Variants in TTN observed in about 807,000 individuals in gnomAD.
TTN encodes the protein connectin.
A neutral mutation model predicts 3,223.0 loss-of-function variants in TTN; 1,525 were observed. The ratio of observed to expected loss-of-function variants is 0.47; its 90% CI spans 0.45 to 0.49. TTN has a LOEUF of 0.49. TTN is among the 20% of genes least tolerant of loss of function. TTN has a pLI of 0.00. For synonymous variants in TTN, 14,094 were observed against 15,161.0 expected, an observed-to-expected ratio of 0.93 and a Z score of 5.17; for missense variants, 40,786 against 43,424.0, an observed-to-expected ratio of 0.94 and a Z score of 5.40.
chr2:178,615,394 C>G lies in TTN; in HGVS notation c.48551G>C (p.Gly16184Ala). 2 of 1,612,612 alleles carry G rather than the reference C, an allele frequency of 1.2e-6. No individual in the cohort carries two copies. Among genetic ancestry groups the G allele is most frequent in the South Asian group, 2.2e-5 (2 of 91,022 alleles). ...LTWDPPKNDG[G>A]SRIKGYIVER... ...AACTATATATCCTTTGATGCGTGAA[C>G]CACCATCATTTTTAGGTGGATCCCA... is the stretch of plus-strand genomic sequence containing the variant. Residue 16184 changes from glycine (G) to alanine (A), a missense_variant, in exon 259 of 363, where the codon GGT becomes GCT. By Grantham distance (60) the Gly-to-Ala change is moderately conservative. Transcript: ENST00000589042.
In TTN at chr2:178,563,750, A is replaced by T; in HGVS notation, c.82382T>A (p.Val27461Asp). 1 of 1,613,716 alleles carries T rather than the reference A, an allele frequency of 6.2e-7. No individual in the cohort carries two copies. The highest frequency in any genetic ancestry group is 8.5e-7 in the Non-Finnish European group (1 of 1,179,754). The change falls in exon 326 of 363, where the codon GTT becomes GAT. Residue 27461 changes from valine (V) to aspartate (D), a missense_variant. Transcript: ENST00000589042. This position sits in a 1 kb window ranked among gnomAD's most constrained non-coding sequence, Gnocchi z 4.5. ...TGGCTTATAAGGATTACAGGCCGTA[A>T]CAGGCCCAGATTCCAAGGGCTCTCC... Reference protein sequence around the residue: ...GIGEPLESGPVTACNPYKPPG... With the variant: ...GIGEPLESGPDTACNPYKPPG...
Position 178,733,829 on chromosome 2 carries a change from A to G in TTN, c.15560T>C (p.Leu5187Pro). 6.2e-7 allele frequency: 1 copy of G among 1,613,666 alleles called. No individual in the cohort carries two copies. The highest frequency in any genetic ancestry group is 8.5e-7 in the Non-Finnish European group (1 of 1,179,660). Reference protein sequence around the residue: ...LIALGGQTVTLQAAVRGSEPI... With the variant: ...LIALGGQTVTPQAAVRGSEPI... Reference sequence around the variant, plus strand: ...CTCTGACCCTCTCACAGCAGCTTGCAGGGTAACGGTTTGTCCTCCTAGTGC... The same window carrying G: ...CTCTGACCCTCTCACAGCAGCTTGCGGGGTAACGGTTTGTCCTCCTAGTGC... The change falls in exon 53 of 363, where the codon CTG (leucine) becomes CCG (proline). Residue 5187 changes from leucine (L) to proline (P), a missense_variant. By Grantham distance (98) the Leu-to-Pro change is moderately conservative. Coordinates refer to ENST00000589042, the MANE Select transcript of TTN (RefSeq NM_001267550.2).
chr2:178,677,505 G>C (rs763270412), intron 146 of TTN, 116 bp downstream of exon 146: 8 of 1,083,986 alleles, frequency 7.4e-6, no homozygotes, highest in Non-Finnish European at 9.0e-6. Context: ...CTAAGATTTA[G>C]GTGGTCAATC....
Position 178,732,160 on chromosome 2 carries a change from C to A in TTN, c.16809G>T (p.Leu5603=). The A allele has an allele frequency of 6.2e-7, 1 of 1,613,790 alleles. No homozygotes were observed. The highest frequency in any genetic ancestry group is 1.1e-5 in the South Asian group (1 of 91,064). Residue 5603 remains leucine, a synonymous_variant, in exon 57 of 363, where the codon CTG becomes CTT. Transcript: ENST00000589042. ...CACTGTCTTCGATGCCAACATCTGTCAGTCTTAGAACTGCAGTAGACTCCA... is the reference window on the plus strand; with the variant it reads ...CACTGTCTTCGATGCCAACATCTGTAAGTCTTAGAACTGCAGTAGACTCCA... ...SFVESTAVLR[L]TDVGIEDSGE... is the part of the protein sequence containing the mutation.
At chr2:178,806,076 T>C (rs1300856082) in intron 1 of TTN, among the ~76,000 whole-genome samples, 2 of 152,202 alleles carry the variant, frequency 1.3e-5, no homozygotes, top group Non-Finnish European at 2.9e-5. Context: ...GCAATAATCT[T>C]CTTAGTGATA....
chr2:178,542,610 A>G (rs377577163), intron 348 of TTN, 47 bp from the exon 349 acceptor site: 1 of 1,595,512 alleles, frequency 6.3e-7, no homozygotes, highest in African/African-American at 1.3e-5. Context: ...CTTCAAATCA[A>G]AATTGGGTGA....
rs762141482 is a variant in TTN at position 178,702,578 on chromosome 2, A to G, written c.30309T>C (p.Phe10103=). The stretch of plus-strand genomic sequence containing the variant: ...TGTACCATGTTACAATGGCATCATC[A>G]AAGGACACTTCACACTCAAAGGTGG... ...QSATFECEVS[F]DDAIVTWYKG... is the part of the protein sequence containing the mutation. The change falls in exon 107 of 363, where the codon TTT becomes TTC. Residue 10103 remains phenylalanine, a synonymous_variant. Coordinates refer to ENST00000589042, the MANE Select transcript of TTN (RefSeq NM_001267550.2). 1.4e-4 allele frequency: 230 copies of G among 1,613,844 alleles called. No homozygotes were observed. Among genetic ancestry groups the G allele is most frequent in the Non-Finnish European group, 1.8e-4 (217 of 1,179,886 alleles).
chr2:178,714,763 C>A (rs2077210778), intron 90 of TTN, among the ~76,000 whole-genome samples, 190 bp from the exon 91 acceptor site: 1 of 152,110 alleles, frequency 6.6e-6, no homozygotes, highest in Admixed American at 6.6e-5. Flanking sequence ...TCATCTACTC[C>A]AGCTTTCTTA....
intron 259 of TTN, 116 bp downstream of exon 259, chr2:178,615,191 A>G: frequency 7.8e-7 from 1 of 1,284,014 alleles, no homozygotes; most frequent in Non-Finnish European, 1.1e-6. Context: ...TCAGACAGAT[A>G]CACCGGCAGC....
chr2:178,617,974 A>G lies in TTN; in HGVS notation c.47377T>C (p.Tyr15793His). 1 of 1,612,656 alleles carries G rather than the reference A, an allele frequency of 6.2e-7. No individual in the cohort carries two copies. Among genetic ancestry groups the G allele is most frequent in the Non-Finnish European group, 8.5e-7 (1 of 1,179,094 alleles). The change falls in exon 253 of 363, where the codon TAC (tyrosine) becomes CAC (histidine). Residue 15793 changes from tyrosine (Y) to histidine (H), a missense_variant. Coordinates refer to ENST00000589042, the MANE Select transcript of TTN (RefSeq NM_001267550.2). ...EYDGGAEITN[Y>H]VIELRDKTSI... ...GTCTTGTCTCTTAATTCAATGACGT[A>G]GTTTGTGATCTCAGCACCTCCATCA...
In TTN at chr2:178,746,645, T is replaced by C. The variant is rs727503663; in HGVS notation, c.11312-4724A>G. 7.4e-5 allele frequency: 119 copies of C among 1,613,190 alleles called. No individual in the cohort carries two copies. The highest frequency in any genetic ancestry group is 9.5e-5 in the Non-Finnish European group (112 of 1,179,550). On this transcript the variant is annotated intron_variant, in intron 47 of 362. Transcript: ENST00000589042. ...GATGTTTACAGCATGACACATGTAC[T>C]CTCCCCCTTCTCCTTTTTGAATGTT... is the stretch of plus-strand genomic sequence containing the variant.
At chr2:178,783,592 A>C in intron 17 of TTN, 128 bp downstream of exon 17, 1 of 844,700 alleles carries the variant, frequency 1.2e-6, no homozygotes, top group East Asian at 2.7e-5. Context: ...TACGGTCTTA[A>C]AATGAGCATC....
intron 240 of TTN, among the ~76,000 whole-genome samples, chr2:178,627,490 T>C (rs1261794233): frequency 1.3e-5 from 2 of 152,012 alleles, no homozygotes; most frequent in Non-Finnish European, 2.9e-5. Context: ...ATTTAAGTTC[T>C]TTTTGAAAAG....
intron 43 of TTN, among the ~76,000 whole-genome samples, chr2:178,762,055 T>A (rs1574454016): frequency 6.6e-6 from 1 of 152,184 alleles, no homozygotes; most frequent in East Asian, 1.9e-4. Flanking sequence ...GGGCCACGTT[T>A]CATGCTTCAG....
In TTN at chr2:178,715,605, C is replaced by A; in HGVS notation, c.25809G>T (p.Ser8603=). The part of the protein sequence containing the change: ...SSKFRMSFVD[S]VAVLEMHNLS... Reference sequence around the variant, plus strand: ...GATTGTGCATTTCCAGCACAGCCACCGAGTCAACGAATGACATTCTGAATT... The same window carrying A: ...GATTGTGCATTTCCAGCACAGCCACAGAGTCAACGAATGACATTCTGAATT... Residue 8603 remains serine, a synonymous_variant, in exon 89 of 363, where the codon TCG becomes TCT. Transcript: ENST00000589042. 1 of 1,613,598 alleles carries A rather than the reference C, an allele frequency of 6.2e-7. No homozygotes were observed. Among genetic ancestry groups the A allele is most frequent in the Non-Finnish European group, 8.5e-7 (1 of 1,179,656 alleles).
At position 178,587,340 on chromosome 2, in the gene TTN, C is replaced by T; in HGVS notation, c.63871G>A (p.Glu21291Lys). 1 of 1,591,684 alleles carries T rather than the reference C, an allele frequency of 6.3e-7. No homozygotes were observed. Among genetic ancestry groups the T allele is most frequent in the Non-Finnish European group, 8.6e-7 (1 of 1,168,224 alleles). ...TSCHVSWAPPENDGGSQVTHY... is the reference protein window; with the variant it reads ...TSCHVSWAPPKNDGGSQVTHY... ...GTCACTTGGCTCCCACCGTCGTTTT[C>T]AGGAGGGGCCCAGGACACATGGCAT... Residue 21291 changes from glutamate to lysine, a missense_variant, in exon 307 of 363, where the codon GAA becomes AAA. Physicochemically the swap from Glu to Lys is moderately conservative, Grantham distance 56 (BLOSUM62 1). Transcript: ENST00000589042.
At chr2:178,676,977 T>C (rs2068208986) in intron 147 of TTN, among the ~76,000 whole-genome samples, 2 of 151,784 alleles carry the variant, frequency 1.3e-5, no homozygotes, top group Non-Finnish European at 2.9e-5. Flanking sequence ...ATCAGAACTT[T>C]TGTATCAGTT....
intron 47 of TTN, chr2:178,750,843 T>C: frequency 6.2e-7 from 1 of 1,613,202 alleles, no homozygotes; most frequent in Non-Finnish European, 8.5e-7. Flanking sequence ...GTGATATATG[T>C]GGATGACTCT....
Position 178,600,933 on chromosome 2 carries a change from G to A in TTN, c.55971C>T (p.Phe18657=), listed in dbSNP as rs1384536018. 6.2e-7 allele frequency: 1 copy of A among 1,612,854 alleles called. No individual in the cohort carries two copies. Among genetic ancestry groups the A allele is most frequent in the Non-Finnish European group, 8.5e-7 (1 of 1,179,304 alleles). The change falls in exon 288 of 363, where the codon TTC becomes TTT. Residue 18657 remains phenylalanine, a synonymous_variant. Transcript: ENST00000589042. ...CTGCAGCATTGACAGCTTTGACTCG[G>A]AATTCATATTCCCCACCCTCTACTA... ...EDLVEGGEYE[F]RVKAVNAAGV...
Sources: allele counts gnomAD v4.1 joint callset (sites outside exome capture counted in the v4.1 genomes callset), GRCh38; gene constraint gnomAD v4.1.1; non-coding constraint Gnocchi (gnomAD v3.1); transcripts MANE v1.5; gene names NCBI Gene and HGNC (gene_info 2026-07-23, HGNC 2026-07-21).